The following TRAM2 variants were observed in gnomAD, a reference collection of about 807,000 sequenced individuals.
TRAM2 encodes the protein translocating chain-associated membrane protein 2.
A neutral mutation model predicts 51.0 loss-of-function variants in TRAM2; 12 were observed. That is an observed-to-expected ratio of 0.24 (90% CI 0.15 to 0.38). The LOEUF is 0.38. Among genes scored for constraint, TRAM2 ranks in the 10% least tolerant of loss-of-function variants. TRAM2 has a pLI of 1.00. For missense variants in TRAM2, 361 were observed against 462.0 expected, an observed-to-expected ratio of 0.78 and a Z score of 2.00; for synonymous variants, 175 against 179.4, an observed-to-expected ratio of 0.98 and a Z score of 0.20.
chr6:52,540,616 C>T (rs890042483), intron 1 of TRAM2, among the ~76,000 whole-genome samples: 5 of 152,304 alleles, frequency 3.3e-5, no homozygotes, highest in South Asian at 2.1e-4. Flanking sequence ...GTCTTCACTC[C>T]ATGACCCTCT....
chr6:52,571,981 A>G lies in TRAM2; in HGVS notation c.120+4815T>C, dbSNP rs1767688295. ...AAAATGTCATTAACCAATCAATGTCACTCTTCTGGATATCACATTTGTGCC... is the reference window on the plus strand; with the variant it reads ...AAAATGTCATTAACCAATCAATGTCGCTCTTCTGGATATCACATTTGTGCC... On this transcript the variant is annotated intron_variant, in intron 1 of 10. Transcript: ENST00000182527. Among the ~76,000 whole-genome samples, 3 of 152,094 alleles carry G rather than the reference A, an allele frequency of 2.0e-5. No individual in the cohort carries two copies. The South Asian group carries it at 6.2e-4, about 31-fold the overall frequency.
intron 4 of TRAM2, among the ~76,000 whole-genome samples, chr6:52,515,207 G>A (rs1315868783): frequency 6.6e-6 from 1 of 152,182 alleles, no homozygotes; most frequent in Non-Finnish European, 1.5e-5. Flanking sequence ...CCAAGACCCA[G>A]GCATGGATTT....
chr6:52,552,166 G>A (rs944894239), intron 1 of TRAM2, among the ~76,000 whole-genome samples: 4 of 152,244 alleles, frequency 2.6e-5, no homozygotes, highest in African/African-American at 9.6e-5. Flanking sequence ...AGCAGTCTCA[G>A]GCAGCCATCC....
chr6:52,572,870 A>C (rs1379670365), intron 1 of TRAM2, among the ~76,000 whole-genome samples: 1 of 152,230 alleles, frequency 6.6e-6, no homozygotes, highest in Non-Finnish European at 1.5e-5. Flanking sequence ...TGTCAGGAGC[A>C]GGGAAGAAGG....
chr6:52,576,927 C>A lies in TRAM2; in HGVS notation c.-12G>T. 6.2e-7 allele frequency: 1 copy of A among 1,605,550 alleles called. No individual in the cohort carries two copies. The highest frequency in any genetic ancestry group is 8.5e-7 in the Non-Finnish European group (1 of 1,176,446). ...CTGCGGAAAGCCATGGCAGCGGGCGCGCAGCGGCCGGCGGGGCCCGCACCC... is the reference window on the plus strand; with the variant it reads ...CTGCGGAAAGCCATGGCAGCGGGCGAGCAGCGGCCGGCGGGGCCCGCACCC... On this transcript the variant is annotated 5_prime_UTR_variant, in exon 1 of 11. Transcript: ENST00000182527.
intron 9 of TRAM2, 95 bp from the exon 10 acceptor site, chr6:52,504,849 G>C: frequency 8.4e-7 from 1 of 1,184,104 alleles, no homozygotes; most frequent in South Asian, 1.4e-5. Context: ...GGGCCCTGCA[G>C]TTCCCATGGC....
At chr6:52,574,221 G>A (rs150932070) in intron 1 of TRAM2, among the ~76,000 whole-genome samples, 4 of 152,040 alleles carry the variant, frequency 2.6e-5, no homozygotes, top group African/African-American at 9.7e-5. Flanking sequence ...GCTTGGTTAT[G>A]AGGCGTCTCC....
chr6:52,531,241 T>A (rs993685027), intron 2 of TRAM2, among the ~76,000 whole-genome samples: 8 of 152,080 alleles, frequency 5.3e-5, no homozygotes, highest in Admixed American at 3.3e-4. Context: ...TTTTTTCCCA[T>A]GAGAAGTTTG....
intron 1 of TRAM2, among the ~76,000 whole-genome samples, chr6:52,544,626 C>T (rs1031815940): frequency 2.0e-5 from 3 of 152,228 alleles, no homozygotes; most frequent in Admixed American, 6.5e-5. Flanking sequence ...TGACCACCTA[C>T]GTGAGGGAAC....
intron 1 of TRAM2, among the ~76,000 whole-genome samples, chr6:52,569,987 A>T (rs1767651372): frequency 6.6e-6 from 1 of 152,208 alleles, no homozygotes; most frequent in Admixed American, 6.5e-5. Context: ...CCGTTTTGCC[A>T]AAAATTCACT....
intron 1 of TRAM2, among the ~76,000 whole-genome samples, chr6:52,567,180 T>G (rs1318440230): frequency 6.6e-6 from 1 of 152,214 alleles, no homozygotes; most frequent in Admixed American, 6.5e-5. Context: ...ACAACATTGG[T>G]CAAGTTACAC....
chr6:52,536,648 TC>T lies in TRAM2; in HGVS notation c.121-803del, dbSNP rs1036422884. Among the ~76,000 whole-genome samples, 15 of 152,246 alleles carry T rather than the reference TC, an allele frequency of 9.9e-5. No homozygotes were observed. In the South Asian group the frequency reaches 2.9e-3, roughly 30 times the overall value. The stretch of plus-strand genomic sequence containing the variant: ...TATACGCTGAGCCTCAGTCTGCTTG[TC>T]CATAAAATCAGGGGTGCTTGTAATA... On this transcript the variant is annotated intron_variant, in intron 1 of 10. Transcript: ENST00000182527.
chr6:52,569,228 C>T (rs1767638055), intron 1 of TRAM2, among the ~76,000 whole-genome samples: 2 of 151,996 alleles, frequency 1.3e-5, no homozygotes, highest in South Asian at 4.1e-4. Context: ...AACCCCATCT[C>T]CACAAAAATA....
At chr6:52,563,738 G>T (rs1181884043) in intron 1 of TRAM2, among the ~76,000 whole-genome samples, 2 of 151,292 alleles carry the variant, frequency 1.3e-5, no homozygotes, top group East Asian at 3.9e-4. Context: ...GGGGACAGGG[G>T]AGCTAGATGA....
intron 1 of TRAM2, among the ~76,000 whole-genome samples, chr6:52,541,652 T>C (rs1430299201): frequency 6.6e-6 from 1 of 152,210 alleles, no homozygotes; most frequent in Non-Finnish European, 1.5e-5. Context: ...CCACAGGCAC[T>C]GGGTACACCT....
chr6:52,501,775 C>G lies in TRAM2; in HGVS notation c.*1422G>C, dbSNP rs944858343. The G allele has an allele frequency of 3.3e-5, 5 of 152,206 alleles. No homozygotes were observed. Among genetic ancestry groups the G allele is most frequent in the African/African-American group, 1.2e-4 (5 of 41,434 alleles). The allele number at this position is 152,206 out of a possible 1,614,324, so 9.4% of individuals were successfully genotyped here. Reference sequence around the variant, plus strand: ...GCCAGGCTGGTCTTGAACTCCTAACCTCAGGTGATCTGCCCACCTCGACCT... The same window carrying G: ...GCCAGGCTGGTCTTGAACTCCTAACGTCAGGTGATCTGCCCACCTCGACCT... On this transcript the variant is annotated 3_prime_UTR_variant, in exon 11 of 11. Coordinates refer to ENST00000182527, the MANE Select transcript of TRAM2 (RefSeq NM_012288.4).
chr6:52,507,667 C>G, intron 6 of TRAM2, 44 bp from the exon 7 acceptor site: 1 of 1,596,962 alleles, frequency 6.3e-7, no homozygotes, highest in South Asian at 1.1e-5. Flanking sequence ...AATTCCCTAA[C>G]TGAAGATTCA....
intron 2 of TRAM2, among the ~76,000 whole-genome samples, chr6:52,528,772 G>A (rs3804492): frequency 0.098 from 14,943 of 152,164 alleles, 1,335 homozygotes; most frequent in East Asian, 0.49. Flanking sequence ...CCTTTCTCTG[G>A]AAGAGTTCCC....
intron 1 of TRAM2, among the ~76,000 whole-genome samples, chr6:52,571,715 G>C (rs999702096): frequency 9.2e-5 from 14 of 152,332 alleles, no homozygotes; most frequent in Middle Eastern, 3.4e-3. Flanking sequence ...TTGGAGATTA[G>C]ATGGCTAGCA....
Sources: allele counts gnomAD v4.1 joint callset (sites outside exome capture counted in the v4.1 genomes callset), GRCh38; gene constraint gnomAD v4.1.1; transcripts MANE v1.5; gene names NCBI Gene and HGNC (gene_info 2026-07-23, HGNC 2026-07-21).